Variants in TLCD4 observed in about 807,000 individuals in gnomAD.
TLCD4 encodes the protein TLC domain containing 4.
In TLCD4, 7 loss-of-function variants were observed where a neutral mutation model predicts 24.2. That is an observed-to-expected ratio of 0.29 (90% CI 0.16 to 0.54). The LOEUF (loss-of-function observed/expected upper bound fraction) is 0.54, where lower values mean the gene tolerates loss of function less well. Ranked by LOEUF, TLCD4 falls within the 20% of genes least tolerant of loss-of-function variation. The pLI is 0.95. For synonymous variants in TLCD4, 103 were observed against 106.4 expected (o/e 0.97, Z 0.20); for missense variants, 259 against 313.9 (o/e 0.82, Z 1.32).
the TLCD4 span, among the ~76,000 whole-genome samples, chr1:95,110,210 A>G: frequency 6.3e-4 from 95 of 151,612 alleles, no homozygotes; most frequent in African/African-American, 2.2e-3. Context: ...GTCAATAATT[A>G]TATCTTTACT....
chr1:95,135,396 T>C (rs1232891015), intron 1 of TLCD4, among the ~76,000 whole-genome samples: 2 of 110,162 alleles, frequency 1.8e-5, no homozygotes, highest in East Asian at 2.1e-4. Flanking sequence ...TTTTGTACAC[T>C]TTTTTTTTTT....
At chr1:95,112,138 C>A in the TLCD4 span, among the ~76,000 whole-genome samples, 29 of 152,186 alleles carry the variant, frequency 1.9e-4, no homozygotes, top group South Asian at 5.0e-3. Context: ...AGATGCCAGA[C>A]CATCCCCCTC....
intron 1 of TLCD4, among the ~76,000 whole-genome samples, chr1:95,127,043 C>T (rs1676758936): frequency 6.6e-6 from 1 of 152,212 alleles, no homozygotes; most frequent in South Asian, 2.1e-4. Context: ...GATTATCTCA[C>T]TTAAGCCACA....
At chr1:95,114,633 C>T (rs546063969), upstream of TLCD4, among the ~76,000 whole-genome samples, 7 of 152,094 alleles carry the variant, frequency 4.6e-5, no homozygotes, top group East Asian at 5.8e-4. Flanking sequence ...AGTTCGGGAC[C>T]GGCCTAGCCA....
At chr1:95,164,405 T>A (rs1677941790) in intron 5 of TLCD4, 1 of 152,314 alleles carries the variant, frequency 6.6e-6, no homozygotes, top group South Asian at 2.1e-4. Flanking sequence ...CTGCCACAGC[T>A]TCCCTTGGCT....
At chr1:95,113,950 C>G (rs1422616932), upstream of TLCD4, among the ~76,000 whole-genome samples, 2 of 151,936 alleles carry the variant, frequency 1.3e-5, no homozygotes, top group Non-Finnish European at 2.9e-5. Flanking sequence ...ATAGCAGACC[C>G]TATCTCTTAA....
rs1278792957 is a variant in TLCD4, at chr1:95,194,953, T to C, written c.*3085T>C. The C allele has an allele frequency of 6.6e-6, 1 of 152,166 alleles. No homozygotes were observed. Among genetic ancestry groups the C allele is most frequent in the East Asian group, 1.9e-4 (1 of 5,198 alleles). The allele number at this position is 152,166 out of a possible 1,614,324, so 9.4% of individuals were successfully genotyped here. Reference sequence around the variant, plus strand: ...TTGAATTAAATTTTTATCCCAACTGTTTGATTTTATTATTTCATGGACTAG... The same window carrying C: ...TTGAATTAAATTTTTATCCCAACTGCTTGATTTTATTATTTCATGGACTAG... On this transcript the variant is annotated 3_prime_UTR_variant, in exon 7 of 7. Transcript: ENST00000370203.
the TLCD4 span, among the ~76,000 whole-genome samples, chr1:95,112,145 C>A: frequency 6.6e-6 from 1 of 152,082 alleles, no homozygotes; most frequent in African/African-American, 2.4e-5. Flanking sequence ...AGACCATCCC[C>A]CTCTTTCCTG....
intron 1 of TLCD4, among the ~76,000 whole-genome samples, chr1:95,141,907 T>A (rs1193889216): frequency 6.6e-6 from 1 of 151,946 alleles, no homozygotes; most frequent in Non-Finnish European, 1.5e-5. Context: ...TGATTCTTAT[T>A]ACGATATCCT....
chr1:95,122,870 A>G (rs899930694), intron 1 of TLCD4, among the ~76,000 whole-genome samples: 5 of 152,146 alleles, frequency 3.3e-5, no homozygotes, highest in Non-Finnish European at 7.4e-5. Flanking sequence ...TTCTCTCTAT[A>G]TCTGTATTTA....
At chr1:95,128,177 GA>G (rs1485200113) in intron 1 of TLCD4, among the ~76,000 whole-genome samples, 1 of 152,178 alleles carries the variant, frequency 6.6e-6, no homozygotes, top group Non-Finnish European at 1.5e-5. Context: ...ATAAGGCCTA[GA>G]AAATGACCTG....
Position 95,196,125 on chromosome 1 carries a change from G to A in TLCD4, c.*4257G>A, listed in dbSNP as rs1679196814. 3 of 152,182 alleles carry A rather than the reference G, an allele frequency of 2.0e-5. No homozygotes were observed. The highest frequency in any genetic ancestry group is 4.1e-4 in the South Asian group (2 of 4,828). 9.4% of individuals were successfully genotyped at this position (152,182 alleles called of 1,614,324 possible). A position where few individuals can be genotyped will look rare whatever the true frequency, so the allele number is the denominator to read the frequency against. On this transcript the variant is annotated 3_prime_UTR_variant, in exon 7 of 7. Coordinates refer to ENST00000370203, the MANE Select transcript of TLCD4 (RefSeq NM_152487.3). ...TTAATAATAACTGTTTACAACATGA[G>A]GCAAAGCTAATAATGTTATGGTTTT... is the stretch of plus-strand genomic sequence containing the variant.
chr1:95,185,577 CCTT>C (rs1377359616), intron 6 of TLCD4, among the ~76,000 whole-genome samples: 1 of 152,208 alleles, frequency 6.6e-6, no homozygotes. Context: ...AAGTCCAACT[CCTT>C]CTCTTACTCA....
intron 6 of TLCD4, among the ~76,000 whole-genome samples, chr1:95,182,637 A>G (rs112497655): frequency 1.3e-5 from 2 of 152,290 alleles, no homozygotes; most frequent in African/African-American, 4.8e-5. Context: ...ACTTTACACT[A>G]TCAGTATAGA....
chr1:95,182,329 A>G (rs1407991158), intron 6 of TLCD4, among the ~76,000 whole-genome samples: 1 of 151,996 alleles, frequency 6.6e-6, no homozygotes, highest in East Asian at 1.9e-4. Flanking sequence ...TTAGCTTACA[A>G]TTTAAACCAT....
intron 3 of TLCD4, among the ~76,000 whole-genome samples, 175 bp from the exon 4 acceptor site, chr1:95,150,033 G>C (rs536256778): frequency 2.0e-5 from 3 of 152,162 alleles, no homozygotes; most frequent in African/African-American, 7.2e-5. Flanking sequence ...CACATGATGC[G>C]TCACAGTTTG....
intron 5 of TLCD4, among the ~76,000 whole-genome samples, chr1:95,168,880 C>T (rs1272081626): frequency 6.6e-6 from 1 of 152,166 alleles, no homozygotes; most frequent in Non-Finnish European, 1.5e-5. Flanking sequence ...TTGCAAGGAG[C>T]TAAGTACTCT....
At position 95,117,475 on chromosome 1, in the gene TLCD4, C is replaced by G. The variant is rs1321420955; in HGVS notation, c.-154C>G. On this transcript the variant is annotated 5_prime_UTR_variant, in exon 1 of 7. Coordinates refer to ENST00000370203, the MANE Select transcript of TLCD4 (RefSeq NM_152487.3). ...CCGGAACCCGCGGCTTCCCTGGCTC[C>G]CGTGAGCATCTCACCGGGCGGCACT... 1 of 152,112 alleles carries G rather than the reference C, an allele frequency of 6.6e-6. No homozygotes were observed. The highest frequency in any genetic ancestry group is 1.5e-5 in the Non-Finnish European group (1 of 68,056). 9.4% of individuals were successfully genotyped at this position (152,112 alleles called of 1,614,324 possible).
intron 1 of TLCD4, among the ~76,000 whole-genome samples, chr1:95,133,995 T>C (rs946392597): frequency 1.3e-5 from 2 of 151,222 alleles, no homozygotes; most frequent in Non-Finnish European, 2.9e-5. Context: ...GGCTAATGGG[T>C]TGGGAAAAAG....
Sources: gnomAD v4.1 joint callset for allele counts (sites outside exome capture counted in the v4.1 genomes callset) on GRCh38, gnomAD v4.1.1 for gene constraint, MANE v1.5 for transcripts, NCBI Gene and HGNC (gene_info 2026-07-23, HGNC 2026-07-21) for gene names.